COL21A1: variants seen among roughly 807,000 people sequenced by gnomAD.
The protein encoded by COL21A1 is collagen type XXI alpha 1 chain.
COL21A1 carries 149 observed loss-of-function variants against 137.9 expected under a neutral mutation model. The ratio of observed to expected loss-of-function variants is 1.08; its 90% CI spans 0.95 to 1.24. The LOEUF (loss-of-function observed/expected upper bound fraction) is 1.24, where lower values mean the gene tolerates loss of function less well. COL21A1 is among the 50% of genes most tolerant of loss of function. The pLI is 0.00. For missense variants in COL21A1, 1,167 were observed against 1,158.4 expected, an observed-to-expected ratio of 1.01 and a Z score of -0.11; for synonymous variants, 456 against 391.5, an observed-to-expected ratio of 1.16 and a Z score of -1.95.
chr6:56,059,885 T>C (rs1765646536), intron 28 of COL21A1, 133 bp downstream of exon 28: 2 of 597,280 alleles, frequency 3.3e-6, no homozygotes, highest in African/African-American at 4.0e-5. Context: ...AGTTGGCAAA[T>C]TATTTAAAGA....
Position 56,170,657 on chromosome 6 carries a change from G to A in COL21A1, c.1018C>T (p.Gln340Ter). The A allele has an allele frequency of 6.3e-7, 1 of 1,588,626 alleles. No homozygotes were observed. Among genetic ancestry groups the A allele is most frequent in the Non-Finnish European group, 8.6e-7 (1 of 1,164,072 alleles). ...ATCCCAGGCATCTTTACCTTAACTT[G>A]AGGGTTAGCAAAGGTAACCACTTGT... ...GSQVVTFANPQVKTLFDEGWH... is the reference protein window; with the variant it reads ...GSQVVTFANP The change falls in exon 5 of 30, where the codon CAA becomes TAA. Residue 340 changes from glutamine to a stop codon, truncating the protein, a stop_gained. Transcript: ENST00000244728. LOFTEE classifies it high-confidence loss of function.
chr6:56,115,475 T>C (rs1771837427), intron 16 of COL21A1, among the ~76,000 whole-genome samples: 1 of 152,128 alleles, frequency 6.6e-6, no homozygotes, highest in African/African-American at 2.4e-5. Flanking sequence ...GCTTGGGGTG[T>C]ACCCTAAAGC....
chr6:56,334,382 A>G (rs1312182768), intron 1 of COL21A1, among the ~76,000 whole-genome samples: 3 of 152,134 alleles, frequency 2.0e-5, no homozygotes, highest in Non-Finnish European at 4.4e-5. Flanking sequence ...AGATTAAATG[A>G]CATATGTAAA....
chr6:56,258,503 T>C (rs1353192471), intron 1 of COL21A1, among the ~76,000 whole-genome samples: 1 of 152,136 alleles, frequency 6.6e-6, no homozygotes, highest in Non-Finnish European at 1.5e-5. Flanking sequence ...TGCACTCTAT[T>C]ACAAGGGAAG....
chr6:56,369,096 A>G (rs1039545310), intron 1 of COL21A1, among the ~76,000 whole-genome samples: 25 of 152,296 alleles, frequency 1.6e-4, no homozygotes, highest in African/African-American at 6.0e-4. Context: ...CTGAATATCG[A>G]GAACCAATTG....
At chr6:56,174,957 C>A (rs1215135894) in intron 3 of COL21A1, among the ~76,000 whole-genome samples, 1 of 151,968 alleles carries the variant, frequency 6.6e-6, no homozygotes, top group African/African-American at 2.4e-5. Context: ...CATCATACAC[C>A]ATGACCAAAT....
intron 1 of COL21A1, among the ~76,000 whole-genome samples, chr6:56,267,637 T>C (rs906570803): frequency 2.0e-5 from 3 of 151,532 alleles, no homozygotes; most frequent in Non-Finnish European, 2.9e-5. Context: ...GCGCCTGTAA[T>C]CCCAGCTACT....
chr6:56,079,712 T>TA (rs1158041859), intron 17 of COL21A1, among the ~76,000 whole-genome samples: 1 of 151,584 alleles, frequency 6.6e-6, no homozygotes, highest in African/African-American at 2.4e-5. Context: ...TTCCAGACTA[T>TA]AAAAAAATTC....
At chr6:56,365,681 G>T (rs1766082103) in intron 1 of COL21A1, among the ~76,000 whole-genome samples, 1 of 152,170 alleles carries the variant, frequency 6.6e-6, no homozygotes, top group Admixed American at 6.5e-5. Flanking sequence ...TTATAAAACT[G>T]TGGGTTCCAA....
intron 1 of COL21A1, among the ~76,000 whole-genome samples, chr6:56,370,045 G>A (rs9464383): frequency 0.47 from 70,910 of 151,976 alleles, 16,923 homozygotes; most frequent in Non-Finnish European, 0.5. Context: ...AAAGACTTGA[G>A]GCCATATAGG....
rs541968009 is a variant in COL21A1 at position 56,265,709 on chromosome 6, C to A, written c.-38-83053G>T. ...CTCCACCTACATCTTTTAGTTAGAT[C>A]TTTTTATTTGCTTCTTCCATGTTCA... On this transcript the variant is annotated intron_variant, in intron 1 of 28. Transcript: ENST00000370819. 9.9e-5 allele frequency among the ~76,000 whole-genome samples: 15 copies of A among 152,268 alleles called. No individual in the cohort carries two copies. In the South Asian group the frequency reaches 3.1e-3, roughly 32 times the overall value.
chr6:56,259,016 T>C (rs993834832), intron 1 of COL21A1, among the ~76,000 whole-genome samples: 1 of 152,222 alleles, frequency 6.6e-6, no homozygotes, highest in Non-Finnish European at 1.5e-5. Context: ...TTAACTTTTA[T>C]TCCTTGTATC....
At chr6:56,217,251 A>C (rs1394031726) in intron 1 of COL21A1, among the ~76,000 whole-genome samples, 1 of 152,066 alleles carries the variant, frequency 6.6e-6, no homozygotes, top group Non-Finnish European at 1.5e-5. Flanking sequence ...AACTGGACCA[A>C]TAAATAAGGA....
intron 1 of COL21A1, among the ~76,000 whole-genome samples, chr6:56,360,206 G>A (rs1765934122): frequency 6.6e-6 from 1 of 152,156 alleles, no homozygotes; most frequent in Admixed American, 6.5e-5. Context: ...CCACCGAATA[G>A]GTTGAGCACA....
At chr6:56,252,043 T>A (rs146837398), upstream of COL21A1, among the ~76,000 whole-genome samples, 5 of 152,372 alleles carry the variant, frequency 3.3e-5, no homozygotes, top group East Asian at 9.6e-4. Flanking sequence ...GTTTTGCAGG[T>A]TGCAGAATAT....
At chr6:56,350,023 C>A (rs1244762082) in intron 1 of COL21A1, among the ~76,000 whole-genome samples, 2 of 152,314 alleles carry the variant, frequency 1.3e-5, no homozygotes, top group East Asian at 1.9e-4. Flanking sequence ...CAGTGCACTT[C>A]CCTTACTAAT....
chr6:56,205,048 T>G (rs1373582821), intron 1 of COL21A1, among the ~76,000 whole-genome samples: 1 of 152,074 alleles, frequency 6.6e-6, no homozygotes, highest in Non-Finnish European at 1.5e-5. Flanking sequence ...GCAAAAAGGC[T>G]GAAAATTCCA....
intron 1 of COL21A1, among the ~76,000 whole-genome samples, chr6:56,301,858 C>CACT (rs1554181422): frequency 1.3e-5 from 2 of 151,342 alleles, no homozygotes; most frequent in Non-Finnish European, 2.9e-5. Context: ...TATTTCTCCC[C>CACT]CCCCCAATCC....
At chr6:56,186,729 A>G (rs968373731) in intron 1 of COL21A1, among the ~76,000 whole-genome samples, 3 of 152,174 alleles carry the variant, frequency 2.0e-5, no homozygotes, top group African/African-American at 4.8e-5. Context: ...AAATGTGGAA[A>G]TGAAGCTAAT....
Sources: gnomAD v4.1 joint callset for allele counts (sites outside exome capture counted in the v4.1 genomes callset) on GRCh38, gnomAD v4.1.1 for gene constraint, MANE v1.5 for transcripts, NCBI Gene and HGNC (gene_info 2026-07-23, HGNC 2026-07-21) for gene names.